Variants in GJC2 observed in about 807,000 individuals in gnomAD.
The protein encoded by GJC2 is gap junction protein gamma 2.
For missense variants in GJC2, 647 were observed against 648.9 expected, an observed-to-expected ratio of 1.00 and a Z score of 0.03; for synonymous variants, 336 against 307.5, an observed-to-expected ratio of 1.09 and a Z score of -0.97.
rs951156195 is a variant in GJC2 at position 228,159,481 on chromosome 1, G to A, written c.*403G>A. 12 of 209,106 alleles carry A rather than the reference G, an allele frequency of 5.7e-5. No homozygotes were observed. Among genetic ancestry groups the A allele is most frequent in the South Asian group, 1.1e-4 (1 of 9,098 alleles). The allele number at this position is 209,106 out of a possible 1,614,324, so 13.0% of individuals were successfully genotyped here. A position where few individuals can be genotyped will look rare whatever the true frequency, so the allele number is the denominator to read the frequency against. On this transcript the variant is annotated 3_prime_UTR_variant, in exon 2 of 2. Coordinates refer to ENST00000366714, the MANE Select transcript of GJC2 (RefSeq NM_020435.4). The surrounding 1 kb of genome is among the most constrained non-coding windows in gnomAD (Gnocchi z 4.0). Reference sequence around the variant, plus strand: ...TCAGTTGGTGGGGGTGCGGGGGTGCGTGTCCCCATTCCCTGCAACAGCAAA... The same window carrying A: ...TCAGTTGGTGGGGGTGCGGGGGTGCATGTCCCCATTCCCTGCAACAGCAAA...
At position 228,158,036 on chromosome 1, in the gene GJC2, T is replaced by G; in HGVS notation, c.278T>G (p.Met93Arg). The change falls in exon 2 of 2, where the codon ATG (methionine) becomes AGG (arginine). Residue 93 changes from methionine (M) to arginine (R), a missense_variant. By Grantham distance (91) the Met-to-Arg change is moderately conservative. Coordinates refer to ENST00000366714, the MANE Select transcript of GJC2 (RefSeq NM_020435.4). The surrounding 1 kb of genome is among the most constrained non-coding windows in gnomAD (Gnocchi z 8.3). ...GTGGTCATCTCCACGCCCTCGGTCATGTACCTGGGCTACGCCGTGCACCGC... is the reference window on the plus strand; with the variant it reads ...GTGGTCATCTCCACGCCCTCGGTCAGGTACCTGGGCTACGCCGTGCACCGC... ...QIVVISTPSV[M>R]YLGYAVHRLA... is the part of the protein sequence containing the mutation. 3.1e-6 allele frequency: 5 copies of G among 1,610,278 alleles called. No homozygotes were observed. Among genetic ancestry groups the G allele is most frequent in the Non-Finnish European group, 4.2e-6 (5 of 1,179,462 alleles).
At chr1:228,155,791 C>T (rs549918453) in intron 1 of GJC2, among the ~76,000 whole-genome samples, 7 of 152,188 alleles carry the variant, frequency 4.6e-5, no homozygotes, top group Non-Finnish European at 7.3e-5. Context: ...GAGCCAATGG[C>T]GCCGTTTCCT....
chr1:228,153,512 G>A (rs1476835295), intron 1 of GJC2, among the ~76,000 whole-genome samples: 1 of 151,388 alleles, frequency 6.6e-6, no homozygotes, highest in Non-Finnish European at 1.5e-5. Flanking sequence ...TCAGCTTCCC[G>A]AGTAGCTAGA....
In GJC2 at chr1:228,151,592, TGTG is replaced by T. The variant is rs1422364496; in HGVS notation, c.-20+1586_-20+1588del. 6.6e-6 allele frequency among the ~76,000 whole-genome samples: 1 copy of T among 151,910 alleles called. No individual in the cohort carries two copies. Among genetic ancestry groups the T allele is most frequent in the African/African-American group, 2.4e-5 (1 of 41,342 alleles). On this transcript the variant is annotated intron_variant, in intron 1 of 1. Transcript: ENST00000366714. This position sits in a 1 kb window ranked among gnomAD's most constrained non-coding sequence, Gnocchi z 5.4. ...TGTGCATGTGGCAGTGTGCACTGCTTGTGTGTGGGGGGGTGGAGGGAGGAGCGT... is the reference window on the plus strand; with the variant it reads ...TGTGCATGTGGCAGTGTGCACTGCTTTGTGGGGGGGTGGAGGGAGGAGCGT...
At position 228,157,999 on chromosome 1, in the gene GJC2, G is replaced by T; in HGVS notation, c.241G>T (p.Val81Phe). 6.2e-7 allele frequency: 1 copy of T among 1,612,110 alleles called. No individual in the cohort carries two copies. Among genetic ancestry groups the T allele is most frequent in the Non-Finnish European group, 8.5e-7 (1 of 1,179,692 alleles). ...FAPLSHVRFW[V>F]FQIVVISTPS... ...GCCCCTGTCGCACGTGCGCTTCTGGGTCTTCCAGATTGTGGTCATCTCCAC... is the reference window on the plus strand; with the variant it reads ...GCCCCTGTCGCACGTGCGCTTCTGGTTCTTCCAGATTGTGGTCATCTCCAC... The change falls in exon 2 of 2, where the codon GTC (valine) becomes TTC (phenylalanine). Residue 81 changes from valine to phenylalanine, a missense_variant. Val to Phe is a conservative substitution (Grantham distance 50). Transcript: ENST00000366714.
Position 228,157,972 on chromosome 1 carries a change from G to C in GJC2, c.214G>C (p.Ala72Pro). ...CGACAACGTCTGCTATGACGCCTTC[G>C]CGCCCCTGTCGCACGTGCGCTTCTG... Reference protein sequence around the residue: ...GCDNVCYDAFAPLSHVRFWVF... With the variant: ...GCDNVCYDAFPPLSHVRFWVF... The change falls in exon 2 of 2, where the codon GCG (alanine) becomes CCG (proline). Residue 72 changes from alanine (A) to proline (P), a missense_variant. Ala to Pro is a conservative substitution (Grantham distance 27). Transcript: ENST00000366714. The C allele has an allele frequency of 6.2e-7, 1 of 1,612,436 alleles. No homozygotes were observed. The highest frequency in any genetic ancestry group is 8.5e-7 in the Non-Finnish European group (1 of 1,179,762).
Position 228,154,739 on chromosome 1 carries a change from C to A in GJC2, c.-19-3001C>A, listed in dbSNP as rs564092014. ...TCTGTAACACAAGACTACTTGATTT[C>A]TTTCACTGCTCAGAGGGATCCAGTC... On this transcript the variant is annotated intron_variant, in intron 1 of 1. Coordinates refer to ENST00000366714, the MANE Select transcript of GJC2 (RefSeq NM_020435.4). Among the ~76,000 whole-genome samples the A allele has an allele frequency of 1.4e-4, 21 of 152,380 alleles. No individual in the cohort carries two copies. The South Asian group carries it at 4.3e-3, about 32-fold the overall frequency.
chr1:228,156,872 T>C (rs1297067523), intron 1 of GJC2, among the ~76,000 whole-genome samples: 2 of 152,250 alleles, frequency 1.3e-5, no homozygotes, highest in African/African-American at 4.8e-5. Flanking sequence ...GTCTGCGGCA[T>C]AGCTGTCTCT....
chr1:228,155,119 C>CT, intron 1 of GJC2, among the ~76,000 whole-genome samples: 1 of 152,218 alleles, frequency 6.6e-6, no homozygotes, highest in Admixed American at 6.5e-5. Context: ...GGAATAGTCA[C>CT]TAGCAGCATG....
At position 228,157,740 on chromosome 1, in the gene GJC2, G is replaced by GGGGGGGGGGGGGGCCCCCC. The variant is rs1558119353; in HGVS notation, c.-19_-18insGGGGGGGGGGGGGCCCCCC. Reference sequence around the variant, plus strand: ...GGCTGACCCCTACCCCGCCCCACAGGACCCGCCCGCCCGCCCCTATGACCA... The same window carrying GGGGGGGGGGGGGGCCCCCC: ...GGCTGACCCCTACCCCGCCCCACAGGGGGGGGGGGGGGGCCCCCCACCCGCCCGCCCGCCCCTATGACCA... On this transcript the variant is annotated splice_region_variant and 5_prime_UTR_variant, in exon 2 of 2. Transcript: ENST00000366714. 1 of 662,262 alleles carries GGGGGGGGGGGGGGCCCCCC rather than the reference G, an allele frequency of 1.5e-6. No individual in the cohort carries two copies. Among genetic ancestry groups the GGGGGGGGGGGGGGCCCCCC allele is most frequent in the Non-Finnish European group, 2.6e-6 (1 of 378,506 alleles). The allele number at this position is 662,262 out of a possible 1,614,324, so 41.0% of individuals were successfully genotyped here.
intron 1 of GJC2, among the ~76,000 whole-genome samples, chr1:228,156,586 G>A (rs1472954374): frequency 6.6e-6 from 1 of 152,232 alleles, no homozygotes; most frequent in East Asian, 1.9e-4. Context: ...CCCCGGGTGG[G>A]GAGGCCTCAG....
In GJC2 at chr1:228,157,901, C is replaced by CGGACG; in HGVS notation, c.144_148dup (p.Glu50GlyfsTer162). On this transcript the variant is annotated frameshift_variant, in exon 2 of 2. Transcript: ENST00000366714. LOFTEE classifies it low-confidence loss of function (END_TRUNC). ...GCTGTGGGCGGCGAGGCCATCTACT[C>CGGACG]GGACGAGCAGGCCAAGTTCACTTGC... is the stretch of plus-strand genomic sequence containing the variant. The CGGACG allele has an allele frequency of 6.2e-7, 1 of 1,612,598 alleles. No homozygotes were observed. Among genetic ancestry groups the CGGACG allele is most frequent in the Non-Finnish European group, 8.5e-7 (1 of 1,179,822 alleles).
In GJC2 at chr1:228,158,221, G is replaced by A; in HGVS notation, c.463G>A (p.Glu155Lys). ...EPMLGLGEEE[E>K]EEETGAAEGA... The stretch of plus-strand genomic sequence containing the variant: ...CATGCTGGGCCTGGGCGAGGAGGAG[G>A]AGGAGGAGGAGACGGGGGCAGCCGA... Residue 155 changes from glutamate to lysine, a missense_variant, in exon 2 of 2, where the codon GAG becomes AAG. By Grantham distance (56) the Glu-to-Lys change is moderately conservative. Transcript: ENST00000366714. This position sits in a 1 kb window ranked among gnomAD's most constrained non-coding sequence, Gnocchi z 8.3. 2.0e-6 allele frequency: 3 copies of A among 1,500,650 alleles called. No homozygotes were observed. The highest frequency in any genetic ancestry group is 1.3e-5 in the South Asian group (1 of 78,480). The allele number at this position is 1,500,650 out of a possible 1,614,324, so 93.0% of individuals were successfully genotyped here.
In GJC2 at chr1:228,158,677, TCCGCCC is replaced by T. The variant is rs1203523216; in HGVS notation, c.930_935del (p.Ala312_Pro313del). ...GCGCGGCCGCCGCGGCCCCCCGGCC[TCCGCCC>T]CCGCCCCCGCGCCGCGGCCCCCGCC... On this transcript the variant is annotated inframe_deletion, in exon 2 of 2. Coordinates refer to ENST00000366714, the MANE Select transcript of GJC2 (RefSeq NM_020435.4). The surrounding 1 kb of genome is among the most constrained non-coding windows in gnomAD (Gnocchi z 8.3). 4 of 1,200,246 alleles carry T rather than the reference TCCGCCC, an allele frequency of 3.3e-6. No individual in the cohort carries two copies. Among genetic ancestry groups the T allele is most frequent in the African/African-American group, 1.7e-5 (1 of 60,320 alleles). The allele number at this position is 1,200,246 out of a possible 1,614,324, so 74.3% of individuals were successfully genotyped here.
In GJC2 at chr1:228,151,506, T is replaced by C. The variant is rs2034615283; in HGVS notation, c.-20+1499T>C. On this transcript the variant is annotated intron_variant, in intron 1 of 1. Coordinates refer to ENST00000366714, the MANE Select transcript of GJC2 (RefSeq NM_020435.4). The surrounding 1 kb of genome is among the most constrained non-coding windows in gnomAD (Gnocchi z 5.4). ...TGAGGTTGAGTCTGAATAGGGAGGG[T>C]TCATGGCTATGTGTGAGAGTGAGTG... 6.6e-6 allele frequency among the ~76,000 whole-genome samples: 1 copy of C among 152,010 alleles called. No homozygotes were observed. Among genetic ancestry groups the C allele is most frequent in the Non-Finnish European group, 1.5e-5 (1 of 67,980 alleles).
chr1:228,157,932 G>T lies in GJC2; in HGVS notation c.174G>T (p.Thr58=), dbSNP rs757481205. 4.3e-6 allele frequency: 7 copies of T among 1,612,768 alleles called. No homozygotes were observed. The highest frequency in any genetic ancestry group is 5.9e-6 in the Non-Finnish European group (7 of 1,179,872). Residue 58 remains threonine (T), a synonymous_variant, in exon 2 of 2, where the codon ACG becomes ACT. Transcript: ENST00000366714. Reference sequence around the variant, plus strand: ...AGCAGGCCAAGTTCACTTGCAACACGCGGCAGCCAGGCTGCGACAACGTCT... The same window carrying T: ...AGCAGGCCAAGTTCACTTGCAACACTCGGCAGCCAGGCTGCGACAACGTCT... ...SDEQAKFTCN[T]RQPGCDNVCY...
rs1423370842 is a variant in GJC2 at position 228,158,660 on chromosome 1, G to GCCGCGGCCCCCCGGCCT, written c.907_923dup (p.Pro309AlafsTer168). 1 of 1,501,638 alleles carries GCCGCGGCCCCCCGGCCT rather than the reference G, an allele frequency of 6.7e-7. No individual in the cohort carries two copies. The allele number at this position is 1,501,638 out of a possible 1,614,324, so 93.0% of individuals were successfully genotyped here. A position where few individuals can be genotyped will look rare whatever the true frequency, so the allele number is the denominator to read the frequency against. ...AGCGCGCAGGACGCGGTGCGCGGCC[G>GCCGCGGCCCCCCGGCCT]CCGCGGCCCCCCGGCCTCCGCCCCC... On this transcript the variant is annotated frameshift_variant, in exon 2 of 2. Coordinates refer to ENST00000366714, the MANE Select transcript of GJC2 (RefSeq NM_020435.4). LOFTEE classifies it low-confidence loss of function (END_TRUNC). This position sits in a 1 kb window ranked among gnomAD's most constrained non-coding sequence, Gnocchi z 8.3.
chr1:228,158,393 T>G lies in GJC2; in HGVS notation c.635T>G (p.Val212Gly). The G allele has an allele frequency of 2.5e-6, 4 of 1,604,840 alleles. No homozygotes were observed. Among genetic ancestry groups the G allele is most frequent in the Non-Finnish European group, 3.4e-6 (4 of 1,179,248 alleles). The change falls in exon 2 of 2, where the codon GTG becomes GGG. Residue 212 changes from valine to glycine, a missense_variant. Physicochemically the swap from Val to Gly is moderately radical, Grantham distance 109. Transcript: ENST00000366714. This position sits in a 1 kb window ranked among gnomAD's most constrained non-coding sequence, Gnocchi z 8.3. ...RRIQREGLMR[V>G]YVAQLVARAA... ...ATCCAGCGGGAGGGCCTGATGCGCG[T>G]GTACGTGGCCCAGCTGGTGGCCAGG...
chr1:228,155,199 G>GT (rs1318467032), intron 1 of GJC2, among the ~76,000 whole-genome samples: 1 of 152,228 alleles, frequency 6.6e-6, no homozygotes, highest in East Asian at 1.9e-4. Context: ...GCATGTGTGT[G>GT]TGGCGAGGCC....
Sources: allele counts gnomAD v4.1 joint callset (sites outside exome capture counted in the v4.1 genomes callset), GRCh38; gene constraint gnomAD v4.1.1; non-coding constraint Gnocchi (gnomAD v3.1); transcripts MANE v1.5; gene names NCBI Gene and HGNC (gene_info 2026-07-23, HGNC 2026-07-21).